SLC35D2: variants seen among roughly 807,000 people sequenced by gnomAD.
SLC35D2 encodes the protein nucleotide sugar transporter SLC35D2.
SLC35D2 carries 43 observed loss-of-function variants against 41.8 expected under a neutral mutation model. The ratio of observed to expected loss-of-function variants is 1.03; its 90% CI spans 0.81 to 1.33. SLC35D2 has a LOEUF of 1.33. Among genes scored for constraint, SLC35D2 ranks in the 40% most tolerant of loss-of-function variants. SLC35D2 has a pLI of 0.00. For missense variants in SLC35D2, 380 were observed against 408.4 expected, an observed-to-expected ratio of 0.93 and a Z score of 0.60; for synonymous variants, 150 against 163.9, an observed-to-expected ratio of 0.92 and a Z score of 0.65.
intron 1 of SLC35D2, among the ~76,000 whole-genome samples, chr9:96,382,496 C>CACACAATATA (rs200897475): frequency 7.8e-6 from 1 of 127,914 alleles, no homozygotes; most frequent in African/African-American, 2.9e-5. Context: ...CACACACACA[C>CACACAATATA]TATATATATA....
intron 1 of SLC35D2, among the ~76,000 whole-genome samples, chr9:96,375,765 C>G (rs1486494988): frequency 6.6e-6 from 1 of 152,058 alleles, no homozygotes; most frequent in Non-Finnish European, 1.5e-5. Context: ...CGCCTGTAAT[C>G]GCAGCACTTT....
At chr9:96,336,636 G>A in intron 9 of SLC35D2, 81 bp downstream of exon 9, 1 of 847,098 alleles carries the variant, frequency 1.2e-6, no homozygotes. Flanking sequence ...AATTCTGACA[G>A]AATAGACAGA....
intron 6 of SLC35D2, among the ~76,000 whole-genome samples, chr9:96,348,993 AAG>A (rs1201905885): frequency 7.9e-5 from 12 of 152,192 alleles, no homozygotes; most frequent in Non-Finnish European, 1.5e-5. Flanking sequence ...AGGAAGCTAG[AAG>A]AGAGGGGCTG....
At chr9:96,331,187 C>T (rs2130861658) in intron 9 of SLC35D2, among the ~76,000 whole-genome samples, 1 of 152,298 alleles carries the variant, frequency 6.6e-6, no homozygotes, top group East Asian at 1.9e-4. Context: ...CTTGAGCCAC[C>T]ATGCCCGCAT....
chr9:96,356,034 G>A (rs925537257), intron 4 of SLC35D2, among the ~76,000 whole-genome samples: 5 of 152,218 alleles, frequency 3.3e-5, no homozygotes, highest in Non-Finnish European at 7.3e-5. Context: ...AGCTGTGGGG[G>A]CTGATTCCTC....
At chr9:96,337,959 T>A (rs7852321) in intron 8 of SLC35D2, among the ~76,000 whole-genome samples, 1 of 108,190 alleles carries the variant, frequency 9.2e-6, no homozygotes, top group Admixed American at 9.9e-5. Flanking sequence ...TCAGCCTGGG[T>A]AACAAAAGCA....
At chr9:96,381,885 C>T (rs1238293016) in intron 1 of SLC35D2, among the ~76,000 whole-genome samples, 3 of 152,184 alleles carry the variant, frequency 2.0e-5, no homozygotes, top group Non-Finnish European at 4.4e-5. Context: ...CAAGCTCATG[C>T]CCACTTCAGC....
chr9:96,371,726 T>C (rs1444319359), intron 1 of SLC35D2, among the ~76,000 whole-genome samples: 3 of 114,294 alleles, frequency 2.6e-5, no homozygotes, highest in African/African-American at 6.6e-5. Context: ...TTCTTTTTTT[T>C]TTTTTTTTTT....
Position 96,321,361 on chromosome 9 carries a change from T to G in SLC35D2, c.915-20A>C, listed in dbSNP as rs1828217236. On this transcript the variant is annotated intron_variant, in intron 11 of 11. Coordinates refer to ENST00000253270, the MANE Select transcript of SLC35D2 (RefSeq NM_007001.3). Reference sequence around the variant, plus strand: ...GCCATGCTGAAAGGAGAAAAAAAAGTGAAAATAAATGACTGGGAATTTCAC... The same window carrying G: ...GCCATGCTGAAAGGAGAAAAAAAAGGGAAAATAAATGACTGGGAATTTCAC... 4 of 1,565,756 alleles carry G rather than the reference T, an allele frequency of 2.6e-6. No individual in the cohort carries two copies. Among genetic ancestry groups the G allele is most frequent in the Non-Finnish European group, 3.5e-6 (4 of 1,138,246 alleles).
At chr9:96,334,558 A>G (rs1176508347) in intron 9 of SLC35D2, among the ~76,000 whole-genome samples, 5 of 152,180 alleles carry the variant, frequency 3.3e-5, no homozygotes, top group African/African-American at 1.2e-4. Flanking sequence ...GAATCACTTG[A>G]ATGCAAGAGG....
intron 9 of SLC35D2, among the ~76,000 whole-genome samples, chr9:96,325,635 G>A (rs746591474): frequency 1.3e-5 from 2 of 152,150 alleles, no homozygotes; most frequent in African/African-American, 2.4e-5. Context: ...TCATACCACT[G>A]CACTCCAGCC....
At chr9:96,343,453 A>G (rs1050356117) in intron 8 of SLC35D2, among the ~76,000 whole-genome samples, 1 of 152,256 alleles carries the variant, frequency 6.6e-6, no homozygotes, top group African/African-American at 2.4e-5. Context: ...GCAAAATGCC[A>G]AAGTGTTGAA....
chr9:96,335,676 T>C (rs750544091), intron 9 of SLC35D2, among the ~76,000 whole-genome samples: 22 of 152,114 alleles, frequency 1.4e-4, no homozygotes, highest in Non-Finnish European at 2.6e-4. Flanking sequence ...CACCTATTCA[T>C]GCAAAGGGAT....
At position 96,352,042 on chromosome 9, in the gene SLC35D2, G is replaced by A; in HGVS notation, c.415C>T (p.Leu139Phe). 6.2e-7 allele frequency: 1 copy of A among 1,608,688 alleles called. No individual in the cohort carries two copies. Among genetic ancestry groups the A allele is most frequent in the Non-Finnish European group, 8.5e-7 (1 of 1,175,760 alleles). Reference protein sequence around the residue: ...PLTLLLETIILGKQYSLNIIL... With the variant: ...PLTLLLETIIFGKQYSLNIIL... ...ATGGAGGAAAAACAAAATCACCCAA[G>A]TATGATGGTTTCCAGAAGTAAGGTA... The change falls in exon 5 of 12, where the codon CTT becomes TTT. Residue 139 changes from leucine (L) to phenylalanine (F), a missense_variant. Leu to Phe is a conservative substitution (Grantham distance 22). Coordinates refer to ENST00000253270, the MANE Select transcript of SLC35D2 (RefSeq NM_007001.3).
At chr9:96,328,249 A>ATT (rs11400127) in intron 9 of SLC35D2, among the ~76,000 whole-genome samples, 2 of 151,808 alleles carry the variant, frequency 1.3e-5, no homozygotes, top group East Asian at 1.9e-4. Context: ...ACCATTCTAT[A>ATT]TTTTTTAGAT....
chr9:96,330,718 GAAGTT>G (rs751950842), intron 9 of SLC35D2, among the ~76,000 whole-genome samples: 13 of 152,268 alleles, frequency 8.5e-5, no homozygotes, highest in African/African-American at 2.2e-4. Context: ...GCCAAAGGGA[GAAGTT>G]AAGTCTGGAA....
chr9:96,325,760 G>A (rs1250989319), intron 9 of SLC35D2, among the ~76,000 whole-genome samples: 1 of 152,162 alleles, frequency 6.6e-6, no homozygotes, highest in Non-Finnish European at 1.5e-5. Flanking sequence ...CTCTAGCAAA[G>A]GGGTTAGTGC....
In SLC35D2 at chr9:96,337,298, T is replaced by C. The variant is rs192063320; in HGVS notation, c.685-514A>G. On this transcript the variant is annotated intron_variant, in intron 8 of 11. Transcript: ENST00000253270. ...TGTGATCATGGCTCACTGCAGCCTCTACCTCCTGGGATCAATCAGTTCCTC... is the reference window on the plus strand; with the variant it reads ...TGTGATCATGGCTCACTGCAGCCTCCACCTCCTGGGATCAATCAGTTCCTC... Among the ~76,000 whole-genome samples, 166 of 152,250 alleles carry C rather than the reference T, an allele frequency of 1.1e-3. 1 individual carries two copies. Among genetic ancestry groups the C allele is most frequent in the Admixed American group, 3.9e-4 (6 of 15,290 alleles).
intron 9 of SLC35D2, among the ~76,000 whole-genome samples, chr9:96,326,135 G>C (rs1450342245): frequency 6.6e-6 from 1 of 152,192 alleles, no homozygotes; most frequent in Non-Finnish European, 1.5e-5. Context: ...GTCGAAGTCT[G>C]CATCAGGATT....
Sources: gnomAD v4.1 joint callset for allele counts (sites outside exome capture counted in the v4.1 genomes callset) on GRCh38, gnomAD v4.1.1 for gene constraint, MANE v1.5 for transcripts, NCBI Gene and HGNC (gene_info 2026-07-23, HGNC 2026-07-21) for gene names.